Variants in ROBO2 observed in about 807,000 individuals in gnomAD.
ROBO2 encodes the protein roundabout guidance receptor 2.
Under a neutral mutation model 160.8 loss-of-function variants are expected in ROBO2, and 53 were observed. The observed-to-expected ratio is 0.33, with a 90% CI of 0.26 to 0.41. ROBO2 has a LOEUF of 0.41. ROBO2 is among the 10% of genes least tolerant of loss of function. The probability of loss-of-function intolerance (pLI) is 1.00; values close to 1 mark genes in which losing one functional copy is unlikely to be tolerated. For missense variants in ROBO2, 1,577 were observed against 1,722.4 expected, an observed-to-expected ratio of 0.92 and a Z score of 1.49; for synonymous variants, 664 against 611.7, an observed-to-expected ratio of 1.09 and a Z score of -1.26.
intron 2 of ROBO2, among the ~76,000 whole-genome samples, chr3:76,066,857 A>T (rs573382382): frequency 6.6e-6 from 1 of 152,276 alleles, no homozygotes; most frequent in South Asian, 2.1e-4. Context: ...ACTGATAGAT[A>T]TAATCAATCA....
At chr3:76,565,305 C>A (rs1686182630) in intron 2 of ROBO2, among the ~76,000 whole-genome samples, 1 of 152,126 alleles carries the variant, frequency 6.6e-6, no homozygotes, top group African/African-American at 2.4e-5. Flanking sequence ...TTTGGAATAA[C>A]TTTACCTCAA....
intron 2 of ROBO2, among the ~76,000 whole-genome samples, chr3:76,771,284 C>G (rs1394963767): frequency 6.6e-6 from 1 of 151,236 alleles, no homozygotes; most frequent in Non-Finnish European, 1.5e-5. Context: ...GATATTCTGA[C>G]TATATTGGGG....
intron 2 of ROBO2, among the ~76,000 whole-genome samples, chr3:76,833,370 C>T (rs1004345834): frequency 6.6e-6 from 1 of 152,100 alleles, no homozygotes; most frequent in Non-Finnish European, 1.5e-5. Context: ...TATATGATTA[C>T]CACAAGGTGT....
intron 2 of ROBO2, among the ~76,000 whole-genome samples, chr3:77,391,117 TGGA>T (rs1409054794): frequency 6.6e-6 from 1 of 152,060 alleles, no homozygotes; most frequent in Non-Finnish European, 1.5e-5. Context: ...TCTATGATTT[TGGA>T]GGAGAATATT....
Position 77,155,318 on chromosome 3 carries a change from C to T in ROBO2, c.388+56978C>T, listed in dbSNP as rs2077907002. ...CATAGGGAGATTATCTTGAATCATC[C>T]AAGTGGGCTCAGTGAAATCAGAGAG... On this transcript the variant is annotated intron_variant, in intron 2 of 25. Coordinates refer to ENST00000461745, the Ensembl canonical transcript of ROBO2. 2.0e-5 allele frequency among the ~76,000 whole-genome samples: 3 copies of T among 151,930 alleles called. No homozygotes were observed. In the South Asian group the frequency reaches 6.2e-4, roughly 31 times the overall value.
chr3:76,127,185 A>G (rs977864727), intron 2 of ROBO2, among the ~76,000 whole-genome samples: 1 of 152,134 alleles, frequency 6.6e-6, no homozygotes, highest in Non-Finnish European at 1.5e-5. Flanking sequence ...GAAGTTTTGG[A>G]TTAACCAATT....
chr3:76,094,007 A>G (rs1277561728), intron 2 of ROBO2, among the ~76,000 whole-genome samples: 1 of 152,178 alleles, frequency 6.6e-6, no homozygotes, highest in Non-Finnish European at 1.5e-5. Context: ...AAAAAATTAA[A>G]AGCTATGGAC....
chr3:76,703,543 G>A (rs1455752137), intron 2 of ROBO2, among the ~76,000 whole-genome samples: 1 of 151,844 alleles, frequency 6.6e-6, no homozygotes, highest in Non-Finnish European at 1.5e-5. Context: ...GCTCCAGTGT[G>A]TGATGTTCCC....
chr3:77,619,117 A>G (rs1288127761), intron 22 of ROBO2, among the ~76,000 whole-genome samples: 1 of 152,218 alleles, frequency 6.6e-6, no homozygotes, highest in African/African-American at 2.4e-5. Flanking sequence ...ATCATGGGAC[A>G]GCCAAGGTTG....
intron 2 of ROBO2, among the ~76,000 whole-genome samples, chr3:76,970,018 G>T (rs753885432): frequency 6.6e-6 from 1 of 152,114 alleles, no homozygotes; most frequent in Admixed American, 6.6e-5. Flanking sequence ...AGAATGCAAA[G>T]CTTCAAAGTG....
At position 77,158,168 on chromosome 3, in the gene ROBO2, A is replaced by T. The variant is rs116527531; in HGVS notation, c.388+59828A>T. ...AAGGATATTTAAGTTGACCATGTGC[A>T]GTGCATGTATTGGACACCAGCCAGG... On this transcript the variant is annotated intron_variant, in intron 2 of 25. Coordinates refer to ENST00000461745, the Ensembl canonical transcript of ROBO2. Among the ~76,000 whole-genome samples, 1,176 of 152,288 alleles carry T rather than the reference A, an allele frequency of 7.7e-3. 17 individuals carry two copies. The highest frequency in any genetic ancestry group is 0.027 in the African/African-American group (1,120 of 41,556).
intron 5 of ROBO2, among the ~76,000 whole-genome samples, chr3:77,517,703 A>G (rs537391821): frequency 6.6e-6 from 1 of 151,624 alleles, no homozygotes; most frequent in African/African-American, 2.4e-5. Flanking sequence ...ATGTCCAGAA[A>G]TAAACAATTC....
chr3:76,519,094 G>T (rs916802414), intron 2 of ROBO2, among the ~76,000 whole-genome samples: 8 of 152,180 alleles, frequency 5.3e-5, no homozygotes, highest in Non-Finnish European at 7.3e-5. Context: ...TCAGAAAGTT[G>T]AGTAAGATTT....
intron 2 of ROBO2, among the ~76,000 whole-genome samples, chr3:77,227,932 T>C (rs1337616111): frequency 6.6e-6 from 1 of 152,222 alleles, no homozygotes; most frequent in Admixed American, 6.5e-5. Flanking sequence ...TAAGTCCACA[T>C]GTTGAAAATT....
intron 5 of ROBO2, among the ~76,000 whole-genome samples, chr3:77,511,844 C>G (rs1333017047): frequency 6.6e-6 from 1 of 152,072 alleles, no homozygotes; most frequent in Non-Finnish European, 1.5e-5. Flanking sequence ...TATTTCCCTG[C>G]AAGTGTAACC....
intron 2 of ROBO2, among the ~76,000 whole-genome samples, chr3:76,273,734 G>A (rs1707750102): frequency 6.6e-6 from 1 of 152,178 alleles, no homozygotes; most frequent in South Asian, 2.1e-4. Context: ...CAGCATGGAG[G>A]TAACCGCCCC....
intron 2 of ROBO2, among the ~76,000 whole-genome samples, chr3:75,981,393 T>A (rs117022099): frequency 1.3e-5 from 2 of 151,558 alleles, no homozygotes; most frequent in East Asian, 3.9e-4. Context: ...TGTACGTATA[T>A]CTTGAAAGAC....
At chr3:77,308,536 G>C (rs1340801965) in intron 2 of ROBO2, among the ~76,000 whole-genome samples, 2 of 152,024 alleles carry the variant, frequency 1.3e-5, no homozygotes, top group African/African-American at 4.8e-5. Context: ...AGAGGAGCAT[G>C]GATGCTGGAT....
intron 2 of ROBO2, among the ~76,000 whole-genome samples, chr3:76,449,716 T>A: frequency 6.6e-6 from 1 of 152,170 alleles, no homozygotes; most frequent in East Asian, 1.9e-4. Context: ...TACTTCTGCA[T>A]CAGTGAAACT....
Sources: gnomAD v4.1 joint callset for allele counts (sites outside exome capture counted in the v4.1 genomes callset) on GRCh38, gnomAD v4.1.1 for gene constraint, MANE v1.5 for transcripts, NCBI Gene and HGNC (gene_info 2026-07-23, HGNC 2026-07-21) for gene names.